Variants in MET observed in about 807,000 individuals in gnomAD.
The protein encoded by MET is hepatocyte growth factor receptor.
MET carries 48 observed loss-of-function variants against 133.1 expected under a neutral mutation model. The observed-to-expected ratio is 0.36, with a 90% CI of 0.29 to 0.46. The LOEUF is 0.46. Among genes scored for constraint, MET ranks in the 20% least tolerant of loss-of-function variants. The pLI, the probability that MET is intolerant of heterozygous loss-of-function variation, is 1.00. For synonymous variants in MET, 628 were observed against 616.5 expected (o/e 1.02, Z -0.28); for missense variants, 1,442 against 1,695.9 (o/e 0.85, Z 2.63).
intron 5 of MET, 79 bp from the exon 6 acceptor site, chr7:116,755,276 T>C: frequency 2.1e-6 from 3 of 1,459,416 alleles, no homozygotes; most frequent in Non-Finnish European, 2.9e-6. Context: ...AGGATATACA[T>C]TTTGTTTGTT....
At chr7:116,688,239 T>C (rs1257277589) in intron 1 of MET, among the ~76,000 whole-genome samples, 3 of 152,180 alleles carry the variant, frequency 2.0e-5, no homozygotes, top group Non-Finnish European at 4.4e-5. Context: ...TCTTTTTTTT[T>C]TTAATATATA....
At chr7:116,718,585 G>A (rs1461424951) in intron 2 of MET, among the ~76,000 whole-genome samples, 1 of 150,238 alleles carries the variant, frequency 6.7e-6, no homozygotes, top group African/African-American at 2.5e-5. Flanking sequence ...CTGGTGTGCT[G>A]CACCCACTAA....
intron 1 of MET, among the ~76,000 whole-genome samples, chr7:116,676,059 T>G (rs1393727634): frequency 1.3e-5 from 2 of 152,220 alleles, no homozygotes; most frequent in African/African-American, 4.8e-5. Flanking sequence ...AAAACTTAAT[T>G]GAGAGAAAAA....
chr7:116,743,380 C>G (rs549988101), intron 5 of MET, among the ~76,000 whole-genome samples: 1 of 152,266 alleles, frequency 6.6e-6, no homozygotes, highest in East Asian at 1.9e-4. Context: ...AAGACAGAAC[C>G]ATTCACTCCC....
chr7:116,727,906 A>C (rs1428428166), intron 2 of MET, among the ~76,000 whole-genome samples: 1 of 152,236 alleles, frequency 6.6e-6, no homozygotes, highest in Non-Finnish European at 1.5e-5. Context: ...TACATCTGAG[A>C]TACTGAAAGC....
At chr7:116,726,171 A>ACACAC (rs71148331) in intron 2 of MET, among the ~76,000 whole-genome samples, 1 of 122,626 alleles carries the variant, frequency 8.2e-6, no homozygotes, top group Non-Finnish European at 1.7e-5. Context: ...ATATATATAT[A>ACACAC]TATATATGGG....
intron 2 of MET, among the ~76,000 whole-genome samples, chr7:116,706,521 CT>C (rs1184867871): frequency 2.6e-5 from 4 of 152,196 alleles, no homozygotes; most frequent in East Asian, 3.9e-4. Flanking sequence ...TATGAACCTC[CT>C]TGAGTAATAA....
intron 19 of MET, among the ~76,000 whole-genome samples, chr7:116,790,894 T>A (rs1390107936): frequency 6.6e-6 from 1 of 152,088 alleles, no homozygotes; most frequent in Non-Finnish European, 1.5e-5. Context: ...CTAGCCAACA[T>A]GGTAAAACCC....
chr7:116,743,194 C>T (rs140372906), intron 5 of MET, among the ~76,000 whole-genome samples: 1 of 152,326 alleles, frequency 6.6e-6, no homozygotes, highest in Non-Finnish European at 1.5e-5. Flanking sequence ...AGGAACAATG[C>T]ATTCCGGCCC....
chr7:116,723,027 C>T (rs2116722425), intron 2 of MET, among the ~76,000 whole-genome samples: 1 of 146,558 alleles, frequency 6.8e-6, no homozygotes, highest in Middle Eastern at 3.4e-3. Context: ...GAACGTTGGC[C>T]TGCCTTGCTA....
chr7:116,741,801 G>A (rs1793466670), intron 5 of MET, among the ~76,000 whole-genome samples: 3 of 152,186 alleles, frequency 2.0e-5, no homozygotes, highest in African/African-American at 4.8e-5. Context: ...ATACCATTTA[G>A]CAGGCTGCCC....
chr7:116,771,848 G>C lies in MET; in HGVS notation c.2888-1G>C, dbSNP rs2116995794. 6.2e-7 allele frequency: 1 copy of C among 1,613,748 alleles called. No individual in the cohort carries two copies. The highest frequency in any genetic ancestry group is 8.5e-7 in the Non-Finnish European group (1 of 1,179,782). On this transcript the variant is annotated splice_acceptor_variant, in intron 13 of 20. Transcript: ENST00000397752. LOFTEE classifies it high-confidence loss of function. ...AGCTCTTTCTTTCTCTCTGTTTTAA[G>C]ATCTGGGCAGTGAATTAGTTCGCTA...
chr7:116,777,628 T>G (rs2117041152), intron 16 of MET, among the ~76,000 whole-genome samples, 159 bp downstream of exon 16: 1 of 152,312 alleles, frequency 6.6e-6, no homozygotes, highest in South Asian at 2.1e-4. Flanking sequence ...GTTCTAGACT[T>G]TTATTGAACT....
chr7:116,774,890 C>T lies in MET; in HGVS notation c.3038C>T (p.Pro1013Leu), dbSNP rs1203610182. ...YRATFPEDQF[P>L]NSSQNGSCRQ... ...TTCCTTCATCTTACAGATCAGTTTC[C>T]TAATTCATCTCAGAACGGTTCATGC... The change falls in exon 15 of 21, where the codon CCT becomes CTT. Residue 1013 changes from proline to leucine, a missense_variant. By Grantham distance (98) the Pro-to-Leu change is moderately conservative. Around this residue, in one of 6 missense-constraint regions of MET, gnomAD observed 514 missense variants for 659.6 expected, o/e 0.78. Coordinates refer to ENST00000397752, the MANE Select transcript of MET (RefSeq NM_000245.4). The T allele has an allele frequency of 6.2e-7, 1 of 1,613,890 alleles. No individual in the cohort carries two copies. Among genetic ancestry groups the T allele is most frequent in the Non-Finnish European group, 8.5e-7 (1 of 1,179,910 alleles).
chr7:116,790,871 G>A (rs1795468445), intron 19 of MET, among the ~76,000 whole-genome samples: 1 of 152,180 alleles, frequency 6.6e-6, no homozygotes, highest in Admixed American at 6.5e-5. Flanking sequence ...GATGTTAGGA[G>A]TTCGAGACCA....
At chr7:116,770,611 A>G (rs1033161787) in intron 12 of MET, among the ~76,000 whole-genome samples, 12 of 152,058 alleles carry the variant, frequency 7.9e-5, no homozygotes, top group Admixed American at 2.0e-4. Context: ...GATAACTTCC[A>G]ATCTACTCTT....
At chr7:116,761,794 A>G (rs924930566) in intron 10 of MET, among the ~76,000 whole-genome samples, 2 of 152,102 alleles carry the variant, frequency 1.3e-5, no homozygotes, top group African/African-American at 4.8e-5. Context: ...TTATATCTCT[A>G]TCAGTTTTAT....
At chr7:116,694,156 C>A (rs1261027459) in intron 1 of MET, among the ~76,000 whole-genome samples, 1 of 152,130 alleles carries the variant, frequency 6.6e-6, no homozygotes, top group Admixed American at 6.5e-5. Context: ...AGGAAGGACA[C>A]AAAACGTTTC....
rs187921256 is a variant in MET at position 116,775,615 on chromosome 7, G to A, written c.3259+504G>A. ...CAACTACTGGGGAGGCTGAAGCAAG[G>A]AGAATTGCTTGAACCCAGGAGGTGG... On this transcript the variant is annotated intron_variant, in intron 15 of 20. Transcript: ENST00000397752. Among the ~76,000 whole-genome samples, 379 of 152,288 alleles carry A rather than the reference G, an allele frequency of 2.5e-3. 1 individual carries two copies. The highest frequency in any genetic ancestry group is 0.014 in the Middle Eastern group (4 of 294).
Sources: gnomAD v4.1 joint callset for allele counts (sites outside exome capture counted in the v4.1 genomes callset) on GRCh38, gnomAD v4.1.1 for gene constraint, gnomAD v4.1.1 regional missense constraint, MANE v1.5 for transcripts, NCBI Gene and HGNC (gene_info 2026-07-23, HGNC 2026-07-21) for gene names.